Variants in ATRNL1 observed in about 807,000 individuals in gnomAD.
The protein encoded by ATRNL1 is attractin-like protein 1.
Under a neutral mutation model 182.7 loss-of-function variants are expected in ATRNL1, and 95 were observed. The ratio of observed to expected loss-of-function variants is 0.52; its 90% CI spans 0.44 to 0.62. The LOEUF is 0.62. Among genes scored for constraint, ATRNL1 ranks in the 20% least tolerant of loss-of-function variants. The pLI is 0.00. For missense variants in ATRNL1, 1,471 were observed against 1,679.5 expected (o/e 0.88, Z 2.17); for synonymous variants, 576 against 568.3 (o/e 1.01, Z -0.19).
rs1854375656 is a variant in ATRNL1, at chr10:115,317,767, GTTGA to G, written c.3037+2034_3037+2037del. On this transcript the variant is annotated intron_variant, in intron 18 of 28. Transcript: ENST00000355044. ...TTTTGTATCCTGAGACTTTGCTGAA[GTTGA>G]TTATCAGTTTAAGTAGTTTTTGGGC... Among the ~76,000 whole-genome samples the G allele has an allele frequency of 2.6e-5, 4 of 152,296 alleles. No individual in the cohort carries two copies. The South Asian group carries it at 8.3e-4, about 32-fold the overall frequency.
chr10:115,462,026 C>T lies in ATRNL1; in HGVS notation c.3408C>T (p.Asn1136=). 1 of 1,603,222 alleles carries T rather than the reference C, an allele frequency of 6.2e-7. No homozygotes were observed. ...RHHTAINFIA[N]PEQSNKNLDI... is the part of the protein sequence containing the mutation. Reference sequence around the variant, plus strand: ...ATACTGCCATAAACTTTATAGCAAACCCAGAACAGGTGAGGAAAAATTGTT... The same window carrying T: ...ATACTGCCATAAACTTTATAGCAAATCCAGAACAGGTGAGGAAAAATTGTT... The change falls in exon 22 of 29, where the codon AAC becomes AAT. Residue 1136 remains asparagine (N), a synonymous_variant. Coordinates refer to ENST00000355044, the MANE Select transcript of ATRNL1 (RefSeq NM_207303.4).
Position 115,423,829 on chromosome 10 carries a change from A to G in ATRNL1, c.3270-2421A>G, listed in dbSNP as rs545654224. 4.6e-5 allele frequency among the ~76,000 whole-genome samples: 7 copies of G among 152,194 alleles called. No homozygotes were observed. The South Asian group carries it at 1.4e-3, about 32-fold the overall frequency. On this transcript the variant is annotated intron_variant, in intron 20 of 28. Coordinates refer to ENST00000355044, the MANE Select transcript of ATRNL1 (RefSeq NM_207303.4). ...AAATGTGAGACTACTGGAAGAGAAC[A>G]CGGAGGTAACACTTTATTACATTTC... is the stretch of plus-strand genomic sequence containing the variant.
At chr10:115,684,582 A>G (rs1440908050) in intron 26 of ATRNL1, among the ~76,000 whole-genome samples, 1 of 151,644 alleles carries the variant, frequency 6.6e-6, no homozygotes, top group Non-Finnish European at 1.5e-5. Flanking sequence ...TGTCCATAAT[A>G]TAGCATAATT....
intron 28 of ATRNL1, among the ~76,000 whole-genome samples, chr10:115,896,092 C>G (rs1589660982): frequency 6.6e-6 from 1 of 152,162 alleles, no homozygotes; most frequent in Non-Finnish European, 1.5e-5. Context: ...CATCATCAAA[C>G]CATGTTTGTA....
chr10:115,648,912 A>T (rs576929750), intron 26 of ATRNL1, among the ~76,000 whole-genome samples: 29 of 152,246 alleles, frequency 1.9e-4, no homozygotes, highest in Non-Finnish European at 3.7e-4. Flanking sequence ...TCTCATTGCA[A>T]TGCAGAGTAT....
At chr10:115,646,621 T>C (rs1859630407) in intron 26 of ATRNL1, among the ~76,000 whole-genome samples, 1 of 141,010 alleles carries the variant, frequency 7.1e-6, no homozygotes, top group African/African-American at 2.5e-5. Flanking sequence ...CTTTTTCTTT[T>C]CTTTTTTTCT....
At chr10:115,476,201 A>C (rs1848522921) in intron 24 of ATRNL1, among the ~76,000 whole-genome samples, 1 of 151,228 alleles carries the variant, frequency 6.6e-6, no homozygotes, top group Non-Finnish European at 1.5e-5. Context: ...AATGTTATTT[A>C]ATTCATTTCA....
At chr10:115,166,463 T>C (rs1009997464) in intron 7 of ATRNL1, among the ~76,000 whole-genome samples, 1 of 152,022 alleles carries the variant, frequency 6.6e-6, no homozygotes, top group African/African-American at 2.4e-5. Context: ...GTTTAATTTT[T>C]TTTTTTTTTA....
chr10:115,355,363 G>A (rs1856457125), intron 19 of ATRNL1, among the ~76,000 whole-genome samples: 1 of 152,068 alleles, frequency 6.6e-6, no homozygotes, highest in Non-Finnish European at 1.5e-5. Context: ...AGCACTAGAG[G>A]GAGCCCTAAG....
chr10:115,798,025 C>T (rs1159143936), intron 27 of ATRNL1, among the ~76,000 whole-genome samples: 1 of 152,202 alleles, frequency 6.6e-6, no homozygotes, highest in African/African-American at 2.4e-5. Context: ...TCACGCCATT[C>T]TCCTGCCTCA....
chr10:115,471,413 A>G (rs1240589010), intron 24 of ATRNL1, among the ~76,000 whole-genome samples: 1 of 150,692 alleles, frequency 6.6e-6, no homozygotes, highest in Non-Finnish European at 1.5e-5. Flanking sequence ...TTTTGGGGGA[A>G]TCTTCATACG....
At chr10:115,485,965 A>C (rs1484326806) in intron 24 of ATRNL1, among the ~76,000 whole-genome samples, 1 of 134,404 alleles carries the variant, frequency 7.4e-6, no homozygotes, top group Non-Finnish European at 1.5e-5. Context: ...CTCACTGTTC[A>C]ACTCCCACTT....
intron 18 of ATRNL1, among the ~76,000 whole-genome samples, chr10:115,325,050 A>G (rs1231985169): frequency 6.6e-6 from 1 of 152,160 alleles, no homozygotes; most frequent in African/African-American, 2.4e-5. Flanking sequence ...TCACAAAGAT[A>G]TTTTTAAATG....
intron 26 of ATRNL1, among the ~76,000 whole-genome samples, chr10:115,602,734 G>C (rs781810584): frequency 1.3e-5 from 2 of 151,964 alleles, no homozygotes; most frequent in Admixed American, 6.6e-5. Context: ...GTGGTGGCAG[G>C]CACCTGTAGT....
intron 28 of ATRNL1, among the ~76,000 whole-genome samples, chr10:115,902,573 A>G (rs192329954): frequency 8.5e-5 from 13 of 152,284 alleles, no homozygotes; most frequent in Middle Eastern, 3.4e-3. Context: ...TAGAAAGTGA[A>G]AACAGCAGAG....
intron 26 of ATRNL1, among the ~76,000 whole-genome samples, chr10:115,699,056 T>C (rs536634507): frequency 4.6e-5 from 7 of 152,240 alleles, no homozygotes; most frequent in African/African-American, 1.7e-4. Flanking sequence ...AAGATTGTTA[T>C]GTAGAAAATT....
At chr10:115,662,347 T>C (rs1370395126) in intron 26 of ATRNL1, among the ~76,000 whole-genome samples, 1 of 152,132 alleles carries the variant, frequency 6.6e-6, no homozygotes, top group African/African-American at 2.4e-5. Flanking sequence ...ATAGGAACAC[T>C]TTTACACTGT....
chr10:115,337,404 T>G (rs1183718766), intron 19 of ATRNL1, among the ~76,000 whole-genome samples: 1 of 152,152 alleles, frequency 6.6e-6, no homozygotes, highest in Non-Finnish European at 1.5e-5. Flanking sequence ...CTGACTATAG[T>G]CACCTTATTG....
At chr10:115,271,340 TTGTTACATA>T (rs1851855013) in intron 13 of ATRNL1, among the ~76,000 whole-genome samples, 1 of 152,130 alleles carries the variant, frequency 6.6e-6, no homozygotes, top group Non-Finnish European at 1.5e-5. Flanking sequence ...ATGTGCAGGT[TTGTTACATA>T]TGTATACATG....
Sources: allele counts gnomAD v4.1 joint callset (sites outside exome capture counted in the v4.1 genomes callset), GRCh38; gene constraint gnomAD v4.1.1; transcripts MANE v1.5; gene names NCBI Gene and HGNC (gene_info 2026-07-23, HGNC 2026-07-21).